PHLPP1: variants seen among roughly 807,000 people sequenced by gnomAD.
PHLPP1 encodes PH domain and leucine rich repeat protein phosphatase 1, also known as PH domain leucine-rich repeat-containing protein phosphatase 1.
Under a neutral mutation model 117.2 loss-of-function variants are expected in PHLPP1, and 42 were observed. That is an observed-to-expected ratio of 0.36 (90% CI 0.28 to 0.46). PHLPP1 has a LOEUF of 0.46. Ranked by LOEUF, PHLPP1 falls within the 20% of genes least tolerant of loss-of-function variation. The pLI is 1.00. For missense variants in PHLPP1, 2,084 were observed against 2,241.9 expected (o/e 0.93, Z 1.42); for synonymous variants, 1,042 against 970.7 (o/e 1.07, Z -1.37).
In PHLPP1 at chr18:62,923,886, G is replaced by C. The variant is rs530943378; in HGVS notation, c.2960+3772G>C. On this transcript the variant is annotated intron_variant, in intron 10 of 16. Coordinates refer to ENST00000262719, the MANE Select transcript of PHLPP1 (RefSeq NM_194449.4). ...AAAGATTCTTTGTGACTGGCTTCTT[G>C]CAGGTGGTTTCAGTTGTGATTTGTT... Among the ~76,000 whole-genome samples, 20 of 152,294 alleles carry C rather than the reference G, an allele frequency of 1.3e-4. No individual in the cohort carries two copies. In the South Asian group the frequency reaches 4.1e-3, roughly 32 times the overall value.
chr18:62,803,877 C>G (rs898032959), intron 1 of PHLPP1, among the ~76,000 whole-genome samples: 1 of 152,040 alleles, frequency 6.6e-6, no homozygotes, highest in African/African-American at 2.4e-5. Context: ...TAAGCTCAAC[C>G]GTTGTGGTTG....
At chr18:62,749,026 C>T (rs1047178741) in intron 1 of PHLPP1, among the ~76,000 whole-genome samples, 4 of 152,074 alleles carry the variant, frequency 2.6e-5, no homozygotes, top group Non-Finnish European at 4.4e-5. Flanking sequence ...AACATCCTTT[C>T]TTTAAAACAA....
chr18:62,820,589 GGCTCATCCCCCTTC>G (rs1195712522), intron 1 of PHLPP1, among the ~76,000 whole-genome samples: 1 of 152,092 alleles, frequency 6.6e-6, no homozygotes, highest in Non-Finnish European at 1.5e-5. Context: ...TTTTATAAGG[GGCTCATCCCCCTTC>G]GCTCAGCACT....
Position 62,849,785 on chromosome 18 carries a change from G to GC in PHLPP1, c.1900-10647dup, listed in dbSNP as rs568512905. ...AGGCAAGCCTGGGCAACATAGCAAG[G>GC]CCCTGTCTCTACAAAAAAAAAAAAA... On this transcript the variant is annotated intron_variant, in intron 3 of 16. Coordinates refer to ENST00000262719, the MANE Select transcript of PHLPP1 (RefSeq NM_194449.4). Among the ~76,000 whole-genome samples, 134 of 65,572 alleles carry GC rather than the reference G, an allele frequency of 2.0e-3. 5 individuals carry two copies. The South Asian group carries it at 0.069, about 34-fold the overall frequency. 43.0% of individuals were successfully genotyped at this position (65,572 alleles called of 152,430 possible). A position where few individuals can be genotyped will look rare whatever the true frequency, so the allele number is the denominator to read the frequency against.
chr18:62,816,130 A>G (rs987996745), intron 1 of PHLPP1, among the ~76,000 whole-genome samples: 3 of 152,204 alleles, frequency 2.0e-5, no homozygotes, highest in East Asian at 1.9e-4. Flanking sequence ...CTTTACATAC[A>G]TTTTTGTGAA....
intron 1 of PHLPP1, among the ~76,000 whole-genome samples, chr18:62,742,037 AGCTACAAAG>A (rs1457795650): frequency 6.6e-6 from 1 of 152,158 alleles, no homozygotes; most frequent in African/African-American, 2.4e-5. Flanking sequence ...TGTTAAGTCT[AGCTACAAAG>A]GCCTTTGAGG....
intron 4 of PHLPP1, among the ~76,000 whole-genome samples, chr18:62,868,862 T>A (rs1165226223): frequency 6.6e-6 from 1 of 152,204 alleles, no homozygotes; most frequent in Non-Finnish European, 1.5e-5. Flanking sequence ...CTTCTGGAAT[T>A]ATCTTTTTAG....
chr18:62,866,309 A>C (rs981845114), intron 4 of PHLPP1, among the ~76,000 whole-genome samples: 1 of 150,172 alleles, frequency 6.7e-6, no homozygotes, highest in Non-Finnish European at 1.5e-5. Context: ...CAATGGTGCG[A>C]TCTTGACTTA....
At chr18:62,733,597 A>G (rs1425873427) in intron 1 of PHLPP1, among the ~76,000 whole-genome samples, 1 of 152,240 alleles carries the variant, frequency 6.6e-6, no homozygotes. Context: ...TTTGAATTAA[A>G]GATGATTAAT....
At position 62,896,623 on chromosome 18, in the gene PHLPP1, G is replaced by A. The variant is rs113283828; in HGVS notation, c.2444+612G>A. On this transcript the variant is annotated intron_variant, in intron 6 of 16. Transcript: ENST00000262719. ...TTTTTGTTGTTGTTTTTAAAGAGAT[G>A]GGGCCTTGCTCTCTTGCCCGGCCTG... Among the ~76,000 whole-genome samples, 1,411 of 152,080 alleles carry A rather than the reference G, an allele frequency of 9.3e-3. 23 individuals carry two copies. Among genetic ancestry groups the A allele is most frequent in the African/African-American group, 0.032 (1,348 of 41,490 alleles).
Position 62,836,253 on chromosome 18 carries a change from G to A in PHLPP1, c.1774-2531G>A, listed in dbSNP as rs148327064. ...GTTCAAGACCAGACTGGCCAAGATG[G>A]TGAAACCCTGTCTTTACTAAAAATA... On this transcript the variant is annotated intron_variant, in intron 2 of 16. Transcript: ENST00000262719. Among the ~76,000 whole-genome samples the A allele has an allele frequency of 7.9e-3, 1,195 of 151,262 alleles. 19 individuals carry two copies. The highest frequency in any genetic ancestry group is 0.028 in the African/African-American group (1,142 of 41,344).
At chr18:62,805,296 G>T (rs1913915921) in intron 1 of PHLPP1, among the ~76,000 whole-genome samples, 1 of 146,330 alleles carries the variant, frequency 6.8e-6, no homozygotes, top group Non-Finnish European at 1.5e-5. Context: ...AATATACACT[G>T]CATAGGTTAT....
At chr18:62,841,719 A>G (rs1915056311) in intron 3 of PHLPP1, among the ~76,000 whole-genome samples, 1 of 152,176 alleles carries the variant, frequency 6.6e-6, no homozygotes, top group African/African-American at 2.4e-5. Context: ...TTGCAGTTGT[A>G]TGTAGACAGT....
intron 1 of PHLPP1, among the ~76,000 whole-genome samples, chr18:62,803,197 A>C (rs1345163948): frequency 6.6e-6 from 1 of 152,186 alleles, no homozygotes; most frequent in African/African-American, 2.4e-5. Flanking sequence ...TTTTAATTTA[A>C]ACATTTGTCT....
chr18:62,918,012 C>G (rs924809910), intron 9 of PHLPP1, among the ~76,000 whole-genome samples: 1 of 151,954 alleles, frequency 6.6e-6, no homozygotes, highest in East Asian at 1.9e-4. Flanking sequence ...CAAGACCAGC[C>G]TGACCAACAT....
intron 1 of PHLPP1, among the ~76,000 whole-genome samples, chr18:62,813,070 C>CA (rs1914169084): frequency 6.6e-6 from 1 of 152,168 alleles, no homozygotes; most frequent in Non-Finnish European, 1.5e-5. Context: ...ATGGTGAAGA[C>CA]ATTGAACTGA....
At chr18:62,942,697 G>A (rs1026356184) in intron 11 of PHLPP1, among the ~76,000 whole-genome samples, 1 of 152,064 alleles carries the variant, frequency 6.6e-6, no homozygotes, top group Non-Finnish European at 1.5e-5. Flanking sequence ...TAACAAGTTA[G>A]GGCTTGAACA....
At chr18:62,762,257 T>C (rs1912269940) in intron 1 of PHLPP1, among the ~76,000 whole-genome samples, 1 of 151,608 alleles carries the variant, frequency 6.6e-6, no homozygotes, top group African/African-American at 2.4e-5. Flanking sequence ...AGGGAATTGA[T>C]TGTTTAGGAT....
At chr18:62,754,186 C>G (rs1208866832) in intron 1 of PHLPP1, among the ~76,000 whole-genome samples, 3 of 152,234 alleles carry the variant, frequency 2.0e-5, no homozygotes, top group East Asian at 1.9e-4. Context: ...CTCAGCTGTT[C>G]TGTTCTGCTG....
Sources: gnomAD v4.1 joint callset for allele counts (sites outside exome capture counted in the v4.1 genomes callset) on GRCh38, gnomAD v4.1.1 for gene constraint, MANE v1.5 for transcripts, NCBI Gene and HGNC (gene_info 2026-07-23, HGNC 2026-07-21) for gene names.